Variants in MACROD2 observed in about 807,000 individuals in gnomAD.
MACROD2 encodes the protein ADP-ribose glycohydrolase MACROD2.
Under a neutral mutation model 70.4 loss-of-function variants are expected in MACROD2, and 36 were observed. The observed-to-expected ratio is 0.51, with a 90% CI of 0.39 to 0.68. The LOEUF (loss-of-function observed/expected upper bound fraction) is 0.68, where lower values mean the gene tolerates loss of function less well. Ranked by LOEUF, MACROD2 falls within the 30% of genes least tolerant of loss-of-function variation. The probability of loss-of-function intolerance (pLI) is 0.00; values close to 1 mark genes in which losing one functional copy is unlikely to be tolerated. For synonymous variants in MACROD2, 172 were observed against 178.8 expected, an observed-to-expected ratio of 0.96 and a Z score of 0.30; for missense variants, 496 against 538.4, an observed-to-expected ratio of 0.92 and a Z score of 0.78.
At chr20:14,098,137 G>A (rs2054253244) in intron 3 of MACROD2, among the ~76,000 whole-genome samples, 1 of 152,118 alleles carries the variant, frequency 6.6e-6, no homozygotes, top group African/African-American at 2.4e-5. Flanking sequence ...AATGGTAGCA[G>A]AATTATACTC....
At chr20:15,482,882 G>T (rs1276826719) in intron 7 of MACROD2, among the ~76,000 whole-genome samples, 1 of 152,086 alleles carries the variant, frequency 6.6e-6, no homozygotes, top group Non-Finnish European at 1.5e-5. Context: ...TGGGGTGTTT[G>T]TTGAAGTCTT....
Position 14,061,505 on chromosome 20 carries a change from C to T in MACROD2, c.164-24116C>T, listed in dbSNP as rs946429560. On this transcript the variant is annotated intron_variant, in intron 2 of 17. Coordinates refer to ENST00000684519, the MANE Select transcript of MACROD2 (RefSeq NM_001351661.2). ...TCAGTACTCAAAGTCTGATCATAAT[C>T]ATGTAAAAATCATTGAAGGAAAAGG... Among the ~76,000 whole-genome samples, 3 of 152,168 alleles carry T rather than the reference C, an allele frequency of 2.0e-5. No individual in the cohort carries two copies. The East Asian group carries it at 5.8e-4, about 29-fold the overall frequency.
At chr20:15,204,132 C>T (rs879725434) in intron 5 of MACROD2, among the ~76,000 whole-genome samples, 1 of 152,024 alleles carries the variant, frequency 6.6e-6, no homozygotes, top group Non-Finnish European at 1.5e-5. Flanking sequence ...TTAGAAATTT[C>T]CATTGTCCAA....
At chr20:15,287,927 A>G (rs2077506171) in intron 6 of MACROD2, among the ~76,000 whole-genome samples, 1 of 152,198 alleles carries the variant, frequency 6.6e-6, no homozygotes, top group African/African-American at 2.4e-5. Flanking sequence ...TCAAGATTTT[A>G]TTGTAGGGAA....
At chr20:15,488,598 A>G (rs1056678403) in intron 7 of MACROD2, among the ~76,000 whole-genome samples, 2 of 152,184 alleles carry the variant, frequency 1.3e-5, no homozygotes, top group Non-Finnish European at 2.9e-5. Context: ...GGGGGCTCCT[A>G]GCGTGGATGT....
intron 6 of MACROD2, among the ~76,000 whole-genome samples, chr20:15,253,903 T>A (rs2146031852): frequency 6.6e-6 from 1 of 152,292 alleles, no homozygotes; most frequent in African/African-American, 2.4e-5. Flanking sequence ...ATAACCTCAT[T>A]TATTTTAGGT....
At chr20:14,230,264 C>T (rs993686175) in intron 3 of MACROD2, among the ~76,000 whole-genome samples, 1 of 152,124 alleles carries the variant, frequency 6.6e-6, no homozygotes, top group Non-Finnish European at 1.5e-5. Flanking sequence ...TAGCATTGTA[C>T]ACACAGTAGA....
intron 2 of MACROD2, among the ~76,000 whole-genome samples, chr20:14,017,946 C>G (rs2053017021): frequency 6.6e-6 from 1 of 152,034 alleles, no homozygotes; most frequent in African/African-American, 2.4e-5. Context: ...TTGTTGGAAG[C>G]TTTTGGTTAC....
At chr20:14,357,074 G>A (rs1044447696) in intron 3 of MACROD2, among the ~76,000 whole-genome samples, 3 of 152,124 alleles carry the variant, frequency 2.0e-5, no homozygotes, top group Non-Finnish European at 4.4e-5. Context: ...TTCCATCATA[G>A]TCATGAATCC....
chr20:14,701,852 A>G (rs1334874753), intron 5 of MACROD2, among the ~76,000 whole-genome samples: 1 of 152,150 alleles, frequency 6.6e-6, no homozygotes, highest in Non-Finnish European at 1.5e-5. Context: ...AATATTATCA[A>G]ATTTTAATCC....
At chr20:15,039,186 A>C (rs2123021302) in intron 5 of MACROD2, among the ~76,000 whole-genome samples, 1 of 152,354 alleles carries the variant, frequency 6.6e-6, no homozygotes, top group East Asian at 1.9e-4. Flanking sequence ...GGACAGTCAC[A>C]CAGAAATGTG....
intron 5 of MACROD2, among the ~76,000 whole-genome samples, chr20:14,917,116 C>T (rs1362535605): frequency 6.6e-6 from 1 of 151,136 alleles, no homozygotes; most frequent in Non-Finnish European, 1.5e-5. Flanking sequence ...TCCTGGGTGA[C>T]CCAGGGGGCT....
chr20:15,514,079 G>C (rs2047535414), intron 8 of MACROD2, among the ~76,000 whole-genome samples: 1 of 152,128 alleles, frequency 6.6e-6, no homozygotes, highest in South Asian at 2.1e-4. Flanking sequence ...ATATTTTTGT[G>C]CAGCTATAAA....
At chr20:14,821,889 G>C (rs927810103) in intron 5 of MACROD2, among the ~76,000 whole-genome samples, 5 of 151,994 alleles carry the variant, frequency 3.3e-5, no homozygotes, top group Non-Finnish European at 7.4e-5. Context: ...AAAGACTTCC[G>C]TTTAGTAAGG....
chr20:15,165,097 A>G (rs541985486), intron 5 of MACROD2, among the ~76,000 whole-genome samples: 33 of 152,286 alleles, frequency 2.2e-4, no homozygotes, highest in African/African-American at 7.5e-4. Context: ...TATATATAAT[A>G]GGAGTGAAAA....
At chr20:15,857,379 C>T (rs175800) in intron 8 of MACROD2, among the ~76,000 whole-genome samples, 2 of 152,092 alleles carry the variant, frequency 1.3e-5, no homozygotes, top group East Asian at 1.9e-4. Context: ...CCACAGAGAT[C>T]CACAGGCCCA....
intron 15 of MACROD2, among the ~76,000 whole-genome samples, chr20:16,035,609 G>T (rs2067224003): frequency 6.6e-6 from 1 of 151,986 alleles, no homozygotes; most frequent in Non-Finnish European, 1.5e-5. Flanking sequence ...GAAAAATTTA[G>T]AACTGAATCG....
At chr20:14,020,055 G>A (rs1326499992) in intron 2 of MACROD2, among the ~76,000 whole-genome samples, 3 of 152,160 alleles carry the variant, frequency 2.0e-5, no homozygotes, top group Non-Finnish European at 4.4e-5. Flanking sequence ...AGGGCAGTTT[G>A]GAGGTTAAAC....
intron 8 of MACROD2, among the ~76,000 whole-genome samples, chr20:15,612,102 GC>G (rs11087141): frequency 0.094 from 14,257 of 151,814 alleles, 804 homozygotes; most frequent in South Asian, 0.18. Context: ...CCAAGCCACA[GC>G]ACACTATGGG....
Sources: allele counts gnomAD v4.1 joint callset (sites outside exome capture counted in the v4.1 genomes callset), GRCh38; gene constraint gnomAD v4.1.1; transcripts MANE v1.5; gene names NCBI Gene and HGNC (gene_info 2026-07-23, HGNC 2026-07-21).